Variants in CHRNA7 observed in about 807,000 individuals in gnomAD.
CHRNA7 encodes cholinergic receptor nicotinic alpha 7 subunit.
Under a neutral mutation model 48.0 loss-of-function variants are expected in CHRNA7, and 17 were observed. The ratio of observed to expected loss-of-function variants is 0.35; its 90% CI spans 0.24 to 0.53. The LOEUF is 0.53. Among genes scored for constraint, CHRNA7 ranks in the 20% least tolerant of loss-of-function variants. The probability of loss-of-function intolerance (pLI) is 0.92; values close to 1 mark genes in which losing one functional copy is unlikely to be tolerated. For synonymous variants in CHRNA7, 75 were observed against 242.3 expected (o/e 0.31, Z 6.41); for missense variants, 155 against 577.7 (o/e 0.27, Z 7.50).
intron 2 of CHRNA7, among the ~76,000 whole-genome samples, chr15:32,041,084 T>A (rs952944482): frequency 2.0e-5 from 3 of 152,178 alleles, no homozygotes; most frequent in African/African-American, 7.2e-5. Flanking sequence ...CCTTCAGGAT[T>A]TTATCTTTAT....
intron 1 of CHRNA7, 31 bp from the exon 2 acceptor site, chr15:32,030,867 G>C (rs749471308): frequency 6.2e-7 from 1 of 1,609,744 alleles, no homozygotes; most frequent in South Asian, 1.1e-5. Context: ...GGCCTGCCCT[G>C]AGCCCCCTGC....
At chr15:32,070,412 T>TTGG (rs1326927573) in intron 2 of CHRNA7, among the ~76,000 whole-genome samples, 1 of 152,116 alleles carries the variant, frequency 6.6e-6, no homozygotes, top group African/African-American at 2.4e-5. Flanking sequence ...GGACTCTAAA[T>TTGG]GTAAGAGTGG....
At position 32,115,419 on chromosome 15, in the gene CHRNA7, C is replaced by T. The variant is rs1195125083; in HGVS notation, c.350+3520C>T. ...CAAGACAGATCTTGTCATCTCTGCCCCCCCTTGCTGGCTGGCTTCCCCTTC... is the reference window on the plus strand; with the variant it reads ...CAAGACAGATCTTGTCATCTCTGCCTCCCCTTGCTGGCTGGCTTCCCCTTC... On this transcript the variant is annotated intron_variant, in intron 4 of 9. Coordinates refer to ENST00000306901, the MANE Select transcript of CHRNA7 (RefSeq NM_000746.6). Among the ~76,000 whole-genome samples, 26 of 152,056 alleles carry T rather than the reference C, an allele frequency of 1.7e-4. 1 individual carries two copies. Among genetic ancestry groups the T allele is most frequent in the Admixed American group, 1.6e-3 (24 of 15,274 alleles).
At chr15:32,051,019 A>G (rs956158652) in intron 2 of CHRNA7, among the ~76,000 whole-genome samples, 13 of 147,466 alleles carry the variant, frequency 8.8e-5, no homozygotes, top group African/African-American at 3.4e-4. Flanking sequence ...TTTGTCTCAG[A>G]GGAGTACCCG....
rs79212683 is a variant in CHRNA7 at position 32,037,477 on chromosome 15, T to A, written c.195+6440T>A. On this transcript the variant is annotated intron_variant, in intron 2 of 9. Coordinates refer to ENST00000306901, the MANE Select transcript of CHRNA7 (RefSeq NM_000746.6). ...TACCCACAAAATAACCTTCTGGGAT[T>A]TGATTGAATCTGTAGATCAAGTTGG... 1.8e-4 allele frequency among the ~76,000 whole-genome samples: 27 copies of A among 152,300 alleles called. No individual in the cohort carries two copies. The East Asian group carries it at 3.9e-3, about 22-fold the overall frequency.
intron 2 of CHRNA7, among the ~76,000 whole-genome samples, chr15:32,037,168 A>G: frequency 6.6e-6 from 1 of 152,132 alleles, no homozygotes; most frequent in African/African-American, 2.4e-5. Context: ...TTGTTGTAGC[A>G]CCATTTGTTG....
At chr15:32,097,513 C>T (rs534270038) in intron 2 of CHRNA7, among the ~76,000 whole-genome samples, 1 of 152,288 alleles carries the variant, frequency 6.6e-6, no homozygotes, top group South Asian at 2.1e-4. Flanking sequence ...AGCCAGCCCC[C>T]ACCAGACACC....
intron 3 of CHRNA7, chr15:32,101,653 A>G: frequency 3.6e-6 from 1 of 281,214 alleles, no homozygotes; most frequent in Non-Finnish European, 6.5e-6. Context: ...GATGTCCACA[A>G]CCTGCACCAC....
At chr15:32,120,039 G>A (rs1437910077) in intron 4 of CHRNA7, among the ~76,000 whole-genome samples, 1 of 152,140 alleles carries the variant, frequency 6.6e-6, no homozygotes, top group African/African-American at 2.4e-5. Flanking sequence ...CCTTTACTGG[G>A]CACTCGCCCA....
intron 2 of CHRNA7, among the ~76,000 whole-genome samples, chr15:32,054,468 T>G (rs1346688758): frequency 2.6e-5 from 4 of 152,172 alleles, no homozygotes; most frequent in Non-Finnish European, 5.9e-5. Flanking sequence ...CTTTAAATTG[T>G]AGTAGAGTAG....
At chr15:32,090,807 A>G (rs2050371325) in intron 2 of CHRNA7, among the ~76,000 whole-genome samples, 1 of 152,186 alleles carries the variant, frequency 6.6e-6, no homozygotes, top group East Asian at 1.9e-4. Flanking sequence ...AAGTTGGCCA[A>G]TTCTGGAAAT....
rs560290349 is a variant in CHRNA7 at position 32,127,100 on chromosome 15, T to C, written c.350+15201T>C. 1.4e-4 allele frequency among the ~76,000 whole-genome samples: 22 copies of C among 152,282 alleles called. No homozygotes were observed. In the South Asian group the frequency reaches 4.6e-3, roughly 32 times the overall value. On this transcript the variant is annotated intron_variant, in intron 4 of 9. Coordinates refer to ENST00000306901, the MANE Select transcript of CHRNA7 (RefSeq NM_000746.6). ...GGCAAACACTAATCCATCTCTGTCATTGTGGCATTTCAAGAATATTTTATG... is the reference window on the plus strand; with the variant it reads ...GGCAAACACTAATCCATCTCTGTCACTGTGGCATTTCAAGAATATTTTATG...
intron 2 of CHRNA7, among the ~76,000 whole-genome samples, chr15:32,036,458 C>G (rs544377251): frequency 9.3e-4 from 141 of 152,316 alleles, no homozygotes; most frequent in Non-Finnish European, 1.7e-3. Context: ...AACGAGGGCA[C>G]TTGCTGGTTC....
chr15:32,049,346 T>C (rs1465301317), intron 2 of CHRNA7, among the ~76,000 whole-genome samples: 2 of 152,122 alleles, frequency 1.3e-5, no homozygotes. Flanking sequence ...TGGGTGCATA[T>C]ATATTTAGGA....
intron 3 of CHRNA7, among the ~76,000 whole-genome samples, chr15:32,110,928 C>G (rs554037933): frequency 3.3e-5 from 5 of 152,222 alleles, no homozygotes; most frequent in Admixed American, 6.5e-5. Context: ...ACCAGGGGGA[C>G]AGAATACAGG....
intron 4 of CHRNA7, among the ~76,000 whole-genome samples, chr15:32,123,841 A>T (rs766038396): frequency 6.6e-6 from 1 of 152,100 alleles, no homozygotes; most frequent in African/African-American, 2.4e-5. Context: ...CCATGTAGGC[A>T]TAAAAGTCAG....
At chr15:32,045,156 T>A (rs996083828) in intron 2 of CHRNA7, among the ~76,000 whole-genome samples, 7 of 152,220 alleles carry the variant, frequency 4.6e-5, no homozygotes, top group African/African-American at 1.7e-4. Flanking sequence ...AATAAGACTT[T>A]TTTTTATAGT....
chr15:32,073,409 A>T (rs768844152), intron 2 of CHRNA7, among the ~76,000 whole-genome samples: 2 of 152,220 alleles, frequency 1.3e-5, no homozygotes, highest in Non-Finnish European at 2.9e-5. Context: ...CATAGGTCAA[A>T]GAAATTTGCC....
At chr15:32,127,058 G>T (rs375451723) in intron 4 of CHRNA7, among the ~76,000 whole-genome samples, 1 of 152,074 alleles carries the variant, frequency 6.6e-6, no homozygotes, top group Non-Finnish European at 1.5e-5. Context: ...GCCACATCCC[G>T]CTTGTCCCTA....
Sources: allele counts gnomAD v4.1 joint callset (sites outside exome capture counted in the v4.1 genomes callset), GRCh38; gene constraint gnomAD v4.1.1; transcripts MANE v1.5; gene names NCBI Gene and HGNC (gene_info 2026-07-23, HGNC 2026-07-21).